The following ADGRL1 variants were observed in gnomAD, a reference collection of about 807,000 sequenced individuals.
The protein encoded by ADGRL1 is CIRL-1.
In ADGRL1, 31 loss-of-function variants were observed where a neutral mutation model predicts 148.9. That is an observed-to-expected ratio of 0.21 (90% CI 0.16 to 0.28). The LOEUF (loss-of-function observed/expected upper bound fraction) is 0.28. Ranked by LOEUF, ADGRL1 falls within the 10% of genes least tolerant of loss-of-function variation. ADGRL1 has a pLI of 1.00. For missense variants in ADGRL1, 1,521 were observed against 2,058.8 expected (o/e 0.74, Z 5.05); for synonymous variants, 937 against 900.3 (o/e 1.04, Z -0.73).
intron 1 of ADGRL1, among the ~76,000 whole-genome samples, chr19:14,187,230 T>G (rs555875255): frequency 6.6e-6 from 1 of 152,204 alleles, no homozygotes; most frequent in South Asian, 2.1e-4. Flanking sequence ...TCCCAGCTAC[T>G]CGGGAGGCTG....
Position 14,152,081 on chromosome 19 carries a change from G to A in ADGRL1, c.3667+52C>T. On this transcript the variant is annotated intron_variant, in intron 22 of 22. Coordinates refer to ENST00000361434, the MANE Select transcript of ADGRL1 (RefSeq NM_014921.5). The surrounding 1 kb of genome is among the most constrained non-coding windows in gnomAD (Gnocchi z 6.1). ...AGTGAGGCCGTCTGAGAAGGCCACTGTCTGTCCCTCTCCCAGCCTCAGAAA... is the reference window on the plus strand; with the variant it reads ...AGTGAGGCCGTCTGAGAAGGCCACTATCTGTCCCTCTCCCAGCCTCAGAAA... The A allele has an allele frequency of 6.4e-7, 1 of 1,552,902 alleles. No homozygotes were observed.
At chr19:14,170,653 G>A (rs760743468) in intron 4 of ADGRL1, 29 bp downstream of exon 4, 36 of 1,374,926 alleles carry the variant, frequency 2.6e-5, no homozygotes, top group East Asian at 4.6e-5. Context: ...AGAAGGGCCC[G>A]CATCCGCACA....
Position 14,155,092 on chromosome 19 carries a change from T to C in ADGRL1, c.3294+267A>G. ...TCGTGGCCCTCATGGTGGTGAGGGT[T>C]CCCCATTACCAAATCTGTTCTGCTC... On this transcript the variant is annotated intron_variant, in intron 18 of 22. Transcript: ENST00000361434. The surrounding 1 kb of genome is among the most constrained non-coding windows in gnomAD (Gnocchi z 5.0). 8.1e-6 allele frequency: 2 copies of C among 248,100 alleles called. No individual in the cohort carries two copies. Among genetic ancestry groups the C allele is most frequent in the Non-Finnish European group, 1.6e-5 (2 of 128,432 alleles). 15.4% of individuals were successfully genotyped at this position (248,100 alleles called of 1,614,324 possible).
At position 14,148,369 on chromosome 19, in the gene ADGRL1, G is replaced by GGA. The variant is rs1967808062; in HGVS notation, c.*2502_*2503dup. 6.6e-6 allele frequency: 1 copy of GGA among 152,322 alleles called. No individual in the cohort carries two copies. Among genetic ancestry groups the GGA allele is most frequent in the Non-Finnish European group, 1.5e-5 (1 of 68,134 alleles). 9.4% of individuals were successfully genotyped at this position (152,322 alleles called of 1,614,324 possible). Reference sequence around the variant, plus strand: ...TCTCTCCCTTTGATTGTCCGAGTCTGGAGAGATACAAGGAAGGCTGGGCAG... The same window carrying GGA: ...TCTCTCCCTTTGATTGTCCGAGTCTGGAGAGAGATACAAGGAAGGCTGGGCAG... On this transcript the variant is annotated 3_prime_UTR_variant, in exon 23 of 23. Coordinates refer to ENST00000361434, the MANE Select transcript of ADGRL1 (RefSeq NM_014921.5).
rs370357742 is a variant in ADGRL1 at position 14,152,725 on chromosome 19, C to T, written c.3423+59G>A. ...CAGAAACCTAGGCCAAGCCACTCCC[C>T]ACCTCTCAGGCTCCAGGTTCCAACA... is the stretch of plus-strand genomic sequence containing the variant. On this transcript the variant is annotated intron_variant, in intron 19 of 22. Coordinates refer to ENST00000361434, the MANE Select transcript of ADGRL1 (RefSeq NM_014921.5). The surrounding 1 kb of genome is among the most constrained non-coding windows in gnomAD (Gnocchi z 6.1). 3 of 1,603,802 alleles carry T rather than the reference C, an allele frequency of 1.9e-6. No individual in the cohort carries two copies. Among genetic ancestry groups the T allele is most frequent in the Non-Finnish European group, 8.5e-7 (1 of 1,172,404 alleles).
chr19:14,204,975 G>A (rs749680603), intron 1 of ADGRL1, among the ~76,000 whole-genome samples: 14 of 152,082 alleles, frequency 9.2e-5, no homozygotes, highest in Non-Finnish European at 1.6e-4. Flanking sequence ...GGAAGAAAGG[G>A]TCCAGGCAGG....
In ADGRL1 at chr19:14,160,550, G is replaced by T; in HGVS notation, c.1614+43C>A. On this transcript the variant is annotated intron_variant, in intron 7 of 22. Coordinates refer to ENST00000361434, the MANE Select transcript of ADGRL1 (RefSeq NM_014921.5). This position sits in a 1 kb window ranked among gnomAD's most constrained non-coding sequence, Gnocchi z 5.9. The stretch of plus-strand genomic sequence containing the variant: ...ACCCCCGCTGGGCCCTGGGCCCTGG[G>T]CCCGAGCACATGTGCCTGCCTGCGA... 7.0e-7 allele frequency: 1 copy of T among 1,432,416 alleles called. No individual in the cohort carries two copies. Among genetic ancestry groups the T allele is most frequent in the Non-Finnish European group, 9.5e-7 (1 of 1,048,872 alleles). The allele number at this position is 1,432,416 out of a possible 1,614,324, so 88.7% of individuals were successfully genotyped here. A position where few individuals can be genotyped will look rare whatever the true frequency, so the allele number is the denominator to read the frequency against.
intron 1 of ADGRL1, among the ~76,000 whole-genome samples, chr19:14,191,980 G>A (rs1386953662): frequency 3.9e-5 from 6 of 152,262 alleles, no homozygotes; most frequent in African/African-American, 1.4e-4. Context: ...TTACAGGCAT[G>A]AGCCACAAGC....
chr19:14,171,422 A>G (rs1460712456), intron 3 of ADGRL1, among the ~76,000 whole-genome samples: 1 of 152,150 alleles, frequency 6.6e-6, no homozygotes, highest in African/African-American at 2.4e-5. Context: ...CCTCAGGGCT[A>G]AGAAGGAGGA....
Position 14,151,602 on chromosome 19 carries a change from TC to T in ADGRL1, c.3680del (p.Gly1227GlufsTer13). 6.2e-7 allele frequency: 1 copy of T among 1,600,600 alleles called. No homozygotes were observed. ...GSYREPKHPL[G>X]GREACGMDTL... ...TGTCCATGCCACAGGCTTCCCGGCC[TC>T]CCAAGGGGTGCTCTGCAGGGCAGAA... On this transcript the variant is annotated frameshift_variant, in exon 23 of 23. Coordinates refer to ENST00000361434, the MANE Select transcript of ADGRL1 (RefSeq NM_014921.5). LOFTEE classifies it high-confidence loss of function.
chr19:14,194,692 G>C (rs895753351), intron 1 of ADGRL1, among the ~76,000 whole-genome samples: 1 of 152,076 alleles, frequency 6.6e-6, no homozygotes, highest in African/African-American at 2.4e-5. Context: ...ATCCTGGGGG[G>C]CCAGAAGAGC....
intron 3 of ADGRL1, among the ~76,000 whole-genome samples, chr19:14,175,340 T>C (rs1253204426): frequency 6.6e-6 from 1 of 151,698 alleles, no homozygotes; most frequent in African/African-American, 2.4e-5. Flanking sequence ...TACACACATC[T>C]GCCCACAGAC....
Position 14,161,614 on chromosome 19 carries a change from G to A in ADGRL1, c.1208C>T (p.Ser403Phe). ...PPDPSAGPAT[S>F]PPLSTTTTAR... is the part of the protein sequence containing the mutation. ...TGTGGTGGTCGTGCTGAGGGGTGGG[G>A]AAGTGGCTGGGCCTGGAGAGGGGAT... The change falls in exon 6 of 23, where the codon TCC becomes TTC. Residue 403 changes from serine to phenylalanine, a missense_variant. Physicochemically the swap from Ser to Phe is radical, Grantham distance 155. Transcript: ENST00000361434. This position sits in a 1 kb window ranked among gnomAD's most constrained non-coding sequence, Gnocchi z 4.4. The A allele has an allele frequency of 1.4e-6, 2 of 1,418,178 alleles. No homozygotes were observed. Among genetic ancestry groups the A allele is most frequent in the South Asian group, 1.6e-5 (1 of 62,650 alleles). 87.8% of individuals were successfully genotyped at this position (1,418,178 alleles called of 1,614,324 possible).
At chr19:14,180,170 C>G (rs1159998483) in intron 2 of ADGRL1, among the ~76,000 whole-genome samples, 1 of 152,130 alleles carries the variant, frequency 6.6e-6, no homozygotes, top group African/African-American at 2.4e-5. Flanking sequence ...AGAGTTAACA[C>G]TGTCCAGGAC....
At chr19:14,178,781 G>A (rs1970992854) in intron 2 of ADGRL1, among the ~76,000 whole-genome samples, 1 of 152,128 alleles carries the variant, frequency 6.6e-6, no homozygotes, top group African/African-American at 2.4e-5. Flanking sequence ...CAAAGTGCTA[G>A]GATTATGGGC....
At chr19:14,194,196 A>T (rs899565721) in intron 1 of ADGRL1, among the ~76,000 whole-genome samples, 3 of 152,234 alleles carry the variant, frequency 2.0e-5, no homozygotes, top group African/African-American at 7.2e-5. Context: ...TGGGCAATAG[A>T]GCAAGACCTC....
At position 14,148,592 on chromosome 19, in the gene ADGRL1, A is replaced by C. The variant is rs1599369734; in HGVS notation, c.*2281T>G. On this transcript the variant is annotated 3_prime_UTR_variant, in exon 23 of 23. Transcript: ENST00000361434. ...GCTCCCAGCCTAGTGCAGTCCGGGA[A>C]GGGCCATGGAACTGTCCCTTGCCCT... 1 of 152,658 alleles carries C rather than the reference A, an allele frequency of 6.6e-6. No homozygotes were observed. The allele number at this position is 152,658 out of a possible 1,614,324, so 9.5% of individuals were successfully genotyped here. A position where few individuals can be genotyped will look rare whatever the true frequency, so the allele number is the denominator to read the frequency against.
In ADGRL1 at chr19:14,182,426, G is replaced by A. The variant is rs377524389; in HGVS notation, c.70+1107C>T. Among the ~76,000 whole-genome samples the A allele has an allele frequency of 3.9e-5, 6 of 152,254 alleles. No individual in the cohort carries two copies. In the South Asian group the frequency reaches 6.2e-4, roughly 16 times the overall value. On this transcript the variant is annotated intron_variant, in intron 2 of 22. Transcript: ENST00000361434. Reference sequence around the variant, plus strand: ...CCAATGTGGGGACCGTCGCTTGTAGGTGAAGGAAGTGACCACCTGCTGTAC... The same window carrying A: ...CCAATGTGGGGACCGTCGCTTGTAGATGAAGGAAGTGACCACCTGCTGTAC...
At position 14,161,231 on chromosome 19, in the gene ADGRL1, C is replaced by T; in HGVS notation, c.1510+81G>A. On this transcript the variant is annotated intron_variant, in intron 6 of 22. Transcript: ENST00000361434. The surrounding 1 kb of genome is among the most constrained non-coding windows in gnomAD (Gnocchi z 4.4). ...GAAAACCTCTGCTCCGCAGTAGAGACCCCCACCCACACATGCATCTGTGCT... is the reference window on the plus strand; with the variant it reads ...GAAAACCTCTGCTCCGCAGTAGAGATCCCCACCCACACATGCATCTGTGCT... 1.5e-6 allele frequency: 2 copies of T among 1,335,088 alleles called. No homozygotes were observed. Among genetic ancestry groups the T allele is most frequent in the Non-Finnish European group, 2.0e-6 (2 of 1,006,294 alleles). The allele number at this position is 1,335,088 out of a possible 1,614,324, so 82.7% of individuals were successfully genotyped here. A position where few individuals can be genotyped will look rare whatever the true frequency, so the allele number is the denominator to read the frequency against.
Sources: allele counts gnomAD v4.1 joint callset (sites outside exome capture counted in the v4.1 genomes callset), GRCh38; gene constraint gnomAD v4.1.1; non-coding constraint Gnocchi (gnomAD v3.1); transcripts MANE v1.5; gene names NCBI Gene and HGNC (gene_info 2026-07-23, HGNC 2026-07-21).